The following ZNF804A variants were observed in gnomAD, a reference collection of about 807,000 sequenced individuals.
ZNF804A encodes the protein zinc finger protein 804A.
ZNF804A carries 2 observed loss-of-function variants against 16.5 expected under a neutral mutation model. The observed-to-expected ratio is 0.12, with a 90% CI of 0.05 to 0.38. The LOEUF (loss-of-function observed/expected upper bound fraction) is 0.38, where lower values mean the gene tolerates loss of function less well. Among genes scored for constraint, ZNF804A ranks in the 10% least tolerant of loss-of-function variants. The pLI, the probability that ZNF804A is intolerant of heterozygous loss-of-function variation, is 0.99. For missense variants in ZNF804A, 1,473 were observed against 1,390.7 expected, an observed-to-expected ratio of 1.06 and a Z score of -0.94; for synonymous variants, 534 against 489.6, an observed-to-expected ratio of 1.09 and a Z score of -1.20.
chr2:184,828,973 T>C (rs1339668916), intron 1 of ZNF804A, among the ~76,000 whole-genome samples: 1 of 151,698 alleles, frequency 6.6e-6, no homozygotes, highest in Non-Finnish European at 1.5e-5. Flanking sequence ...ACAGTATACT[T>C]CACATACTTC....
At chr2:184,707,201 A>C (rs993460393) in intron 1 of ZNF804A, among the ~76,000 whole-genome samples, 1 of 152,006 alleles carries the variant, frequency 6.6e-6, no homozygotes, top group African/African-American at 2.4e-5. Context: ...CTCTGAAACC[A>C]CTCACCTAGC....
At chr2:184,702,200 T>C (rs1313756900) in intron 1 of ZNF804A, among the ~76,000 whole-genome samples, 3 of 152,060 alleles carry the variant, frequency 2.0e-5, no homozygotes, top group Non-Finnish European at 4.4e-5. Flanking sequence ...GTATCAATAA[T>C]TGCATAGTCA....
intron 2 of ZNF804A, among the ~76,000 whole-genome samples, chr2:184,907,507 A>T (rs1421691999): frequency 6.6e-6 from 1 of 152,132 alleles, no homozygotes; most frequent in Non-Finnish European, 1.5e-5. Context: ...TTAAATTTTT[A>T]TTGCTGAGAG....
chr2:184,829,956 A>G (rs1315484959), intron 1 of ZNF804A, among the ~76,000 whole-genome samples: 3 of 147,884 alleles, frequency 2.0e-5, no homozygotes, highest in Non-Finnish European at 4.5e-5. Context: ...CACACACACA[A>G]ATGGACTGGA....
intron 1 of ZNF804A, among the ~76,000 whole-genome samples, chr2:184,688,832 C>A (rs887544175): frequency 1.3e-5 from 2 of 151,998 alleles, no homozygotes; most frequent in Non-Finnish European, 2.9e-5. Flanking sequence ...TAGAGATATG[C>A]TAAATATCTG....
chr2:184,883,429 C>G (rs1684839609), intron 2 of ZNF804A, among the ~76,000 whole-genome samples: 1 of 152,000 alleles, frequency 6.6e-6, no homozygotes, highest in Non-Finnish European at 1.5e-5. Flanking sequence ...TTCTATGAGG[C>G]CAGCATCATC....
rs1376727734 is a variant in ZNF804A, at chr2:184,936,739, C to T, written c.1343C>T (p.Thr448Ile). ...QWPSEMLVYT[T>I]TKPSISYSCN... ...CCATCAGAAATGCTGGTTTATACAA[C>T]TACGAAACCATCAATTTCCTATAGC... Residue 448 changes from threonine to isoleucine, a missense_variant, in exon 4 of 4, where the codon ACT becomes ATT. Coordinates refer to ENST00000302277, the MANE Select transcript of ZNF804A (RefSeq NM_194250.2). The T allele has an allele frequency of 1.2e-6, 2 of 1,613,756 alleles. No individual in the cohort carries two copies. The highest frequency in any genetic ancestry group is 2.2e-5 in the East Asian group (1 of 44,878).
rs561747297 is a variant in ZNF804A, at chr2:184,599,226, G to A, written c.111+156G>A. On this transcript the variant is annotated intron_variant, in intron 1 of 3. Transcript: ENST00000302277. ...GAGAATTGGGTGTAGAAAAAGGAAG[G>A]GGTCTTAGGGAAGCTGTGATCCATG... Among the ~76,000 whole-genome samples, 6 of 152,100 alleles carry A rather than the reference G, an allele frequency of 3.9e-5. No homozygotes were observed. The South Asian group carries it at 1.2e-3, about 32-fold the overall frequency.
Position 184,847,615 on chromosome 2 carries a change from C to T in ZNF804A, c.112-18754C>T, listed in dbSNP as rs574512738. 9.2e-5 allele frequency among the ~76,000 whole-genome samples: 14 copies of T among 152,152 alleles called. 2 individuals carry two copies. In the South Asian group the frequency reaches 2.9e-3, roughly 32 times the overall value. On this transcript the variant is annotated intron_variant, in intron 1 of 3. Coordinates refer to ENST00000302277, the MANE Select transcript of ZNF804A (RefSeq NM_194250.2). ...ACAACAACACTTCAGACACCACATA[C>T]GTGGGTATTTTTTCCTCACACTAAT...
intron 1 of ZNF804A, among the ~76,000 whole-genome samples, chr2:184,721,414 A>G (rs956953744): frequency 3.3e-5 from 5 of 152,050 alleles, no homozygotes; most frequent in Non-Finnish European, 7.4e-5. Context: ...AATAAAAGTG[A>G]GCAAAGGACA....
chr2:184,644,252 A>G (rs1472207663), intron 1 of ZNF804A, among the ~76,000 whole-genome samples: 2 of 151,708 alleles, frequency 1.3e-5, no homozygotes, highest in East Asian at 1.9e-4. Flanking sequence ...TATATATAAA[A>G]TACCTCATCT....
intron 1 of ZNF804A, among the ~76,000 whole-genome samples, chr2:184,772,279 AAC>A (rs1694227942): frequency 6.6e-6 from 1 of 151,594 alleles, no homozygotes; most frequent in Non-Finnish European, 1.5e-5. Context: ...AAAAAAAAAA[AAC>A]AATAGCAGTC....
intron 1 of ZNF804A, among the ~76,000 whole-genome samples, chr2:184,819,987 GT>G (rs1269898189): frequency 6.6e-6 from 1 of 151,880 alleles, no homozygotes; most frequent in Non-Finnish European, 1.5e-5. Flanking sequence ...TTTACCGGGG[GT>G]ACAAAGAAGA....
At chr2:184,903,806 G>A (rs1685226127) in intron 2 of ZNF804A, among the ~76,000 whole-genome samples, 2 of 151,964 alleles carry the variant, frequency 1.3e-5, no homozygotes, top group African/African-American at 2.4e-5. Flanking sequence ...TAGCCACCAC[G>A]ATTTATGCTA....
intron 2 of ZNF804A, among the ~76,000 whole-genome samples, chr2:184,928,855 C>T (rs1289854207): frequency 6.6e-6 from 1 of 152,138 alleles, no homozygotes; most frequent in Non-Finnish European, 1.5e-5. Flanking sequence ...TTGTTTCTCT[C>T]TCACTCTCTC....
intron 2 of ZNF804A, among the ~76,000 whole-genome samples, chr2:184,883,199 C>G (rs913251552): frequency 5.9e-5 from 9 of 152,056 alleles, no homozygotes; most frequent in African/African-American, 2.2e-4. Context: ...TGCCTAAACA[C>G]ATACAACCAT....
chr2:184,674,260 C>A (rs934426701), intron 1 of ZNF804A, among the ~76,000 whole-genome samples: 1 of 151,958 alleles, frequency 6.6e-6, no homozygotes, highest in Non-Finnish European at 1.5e-5. Context: ...TCCCTCTTTT[C>A]TTTTAATTGG....
intron 1 of ZNF804A, among the ~76,000 whole-genome samples, chr2:184,686,066 G>A (rs1692624584): frequency 6.6e-6 from 1 of 152,242 alleles, no homozygotes; most frequent in Admixed American, 6.5e-5. Context: ...CCTGGGCTTG[G>A]CCACAACTTT....
intron 1 of ZNF804A, among the ~76,000 whole-genome samples, chr2:184,792,901 T>C (rs776453714): frequency 1.3e-5 from 2 of 152,020 alleles, no homozygotes; most frequent in East Asian, 3.9e-4. Flanking sequence ...ACCCAATAGG[T>C]AGTTTTTAAC....
Sources: gnomAD v4.1 joint callset for allele counts (sites outside exome capture counted in the v4.1 genomes callset) on GRCh38, gnomAD v4.1.1 for gene constraint, MANE v1.5 for transcripts, NCBI Gene and HGNC (gene_info 2026-07-23, HGNC 2026-07-21) for gene names.